FXYD5: variants seen among roughly 807,000 people sequenced by gnomAD.
FXYD5 encodes FXYD domain-containing ion transport regulator 5.
A neutral mutation model predicts 25.7 loss-of-function variants in FXYD5; 21 were observed. The observed-to-expected ratio is 0.82, with a 90% CI of 0.58 to 1.18. FXYD5 has a LOEUF of 1.18. FXYD5 is among the 50% of genes most tolerant of loss of function. The probability of loss-of-function intolerance (pLI) is 0.00; values close to 1 mark genes in which losing one functional copy is unlikely to be tolerated. For missense variants in FXYD5, 229 were observed against 227.7 expected, an observed-to-expected ratio of 1.01 and a Z score of -0.04; for synonymous variants, 101 against 90.7, an observed-to-expected ratio of 1.11 and a Z score of -0.64.
chr19:35,157,746 G>A (rs1256562506), intron 3 of FXYD5: 1 of 379,082 alleles, frequency 2.6e-6, no homozygotes, highest in Non-Finnish European at 4.9e-6. Context: ...ATGGGGCCAA[G>A]ATGATCCCTT....
At chr19:35,159,873 A>G in intron 4 of FXYD5, 1 of 509,402 alleles carries the variant, frequency 2.0e-6, no homozygotes, top group Non-Finnish European at 3.4e-6. Flanking sequence ...ATCCAAGACA[A>G]TACAGGGCAA....
At chr19:35,160,585 A>G in intron 4 of FXYD5, 124 bp from the exon 5 acceptor site, 1 of 687,426 alleles carries the variant, frequency 1.5e-6, no homozygotes, top group Admixed American at 2.0e-5. Flanking sequence ...ACCTAAGGTA[A>G]TCTGCCCGCC....
chr19:35,169,618 C>G lies in FXYD5; in HGVS notation c.*3C>G, dbSNP rs371459976. Reference sequence around the variant, plus strand: ...TATGCCGGAATCGTTGCAGGTGAGTCCATCAGAAACAGGAGCTGACAACCT... The same window carrying G: ...TATGCCGGAATCGTTGCAGGTGAGTGCATCAGAAACAGGAGCTGACAACCT... On this transcript the variant is annotated 3_prime_UTR_variant, in exon 9 of 9. Transcript: ENST00000392219. 1.9e-6 allele frequency: 3 copies of G among 1,602,516 alleles called. No homozygotes were observed. The African/African-American group carries it at 4.0e-5, about 21-fold the overall frequency.
chr19:35,168,663 A>C (rs953650174), intron 8 of FXYD5, among the ~76,000 whole-genome samples: 2 of 152,050 alleles, frequency 1.3e-5, no homozygotes, highest in Admixed American at 1.3e-4. Flanking sequence ...AGTCTCTGGA[A>C]CCCATCTGTG....
At chr19:35,159,743 T>A in intron 4 of FXYD5, 2 of 1,351,916 alleles carry the variant, frequency 1.5e-6, no homozygotes, top group Non-Finnish European at 2.0e-6. Flanking sequence ...AAATTACCAT[T>A]GTCCCCATTT....
chr19:35,165,112 A>T (rs1374951211), intron 6 of FXYD5, among the ~76,000 whole-genome samples: 1 of 152,194 alleles, frequency 6.6e-6, no homozygotes, highest in Admixed American at 6.5e-5. Flanking sequence ...TGTTACTGGA[A>T]AGGGGTTCCG....
chr19:35,155,669 C>T (rs879241436), intron 2 of FXYD5, 58 bp downstream of exon 2: 22 of 1,272,308 alleles, frequency 1.7e-5, no homozygotes, highest in African/African-American at 2.9e-5. Flanking sequence ...GCCAGCCCCA[C>T]GTGTGCTGCG....
intron 6 of FXYD5, among the ~76,000 whole-genome samples, 197 bp downstream of exon 6, chr19:35,164,442 A>C (rs73044017): frequency 8.4e-4 from 128 of 152,328 alleles, no homozygotes; most frequent in African/African-American, 3.0e-3. Context: ...ATTGCTGCAT[A>C]CAAACCACCT....
In FXYD5 at chr19:35,163,959, A is replaced by G; in HGVS notation, c.293-197A>G. 3 of 1,459,926 alleles carry G rather than the reference A, an allele frequency of 2.1e-6. No homozygotes were observed. The South Asian group carries it at 4.3e-5, about 21-fold the overall frequency. The allele number at this position is 1,459,926 out of a possible 1,614,324, so 90.4% of individuals were successfully genotyped here. A position where few individuals can be genotyped will look rare whatever the true frequency, so the allele number is the denominator to read the frequency against. Reference sequence around the variant, plus strand: ...AGATCAGATAGTCGCAACCGGGGCTATGTGCTTATTTCAGCATTTCAATGC... The same window carrying G: ...AGATCAGATAGTCGCAACCGGGGCTGTGTGCTTATTTCAGCATTTCAATGC... On this transcript the variant is annotated intron_variant, in intron 5 of 8. Transcript: ENST00000392219.
At chr19:35,161,249 A>ACACACACACACACACAC (rs58296906) in intron 5 of FXYD5, among the ~76,000 whole-genome samples, 2,597 of 120,388 alleles carry the variant, frequency 0.022, 93 homozygotes, top group South Asian at 0.077. Context: ...CACACACACA[A>ACACACACACACACACAC]AAGAATGATT....
chr19:35,160,805 T>C lies in FXYD5; in HGVS notation c.292+4T>C. 1 of 1,587,290 alleles carries C rather than the reference T, an allele frequency of 6.3e-7. No individual in the cohort carries two copies. On this transcript the variant is annotated splice_donor_region_variant and intron_variant, in intron 5 of 8. Transcript: ENST00000392219. ...ACACACAAGAGCACCAAAGCAGGTA[T>C]AGCATGGGACTGAGAGCAGCAGCCT... is the stretch of plus-strand genomic sequence containing the variant.
At chr19:35,168,143 T>C (rs1409000883) in intron 8 of FXYD5, among the ~76,000 whole-genome samples, 1 of 151,892 alleles carries the variant, frequency 6.6e-6, no homozygotes, top group African/African-American at 2.4e-5. Flanking sequence ...GAACGTTAGC[T>C]CTGGGGCCAT....
At chr19:35,155,983 G>A (rs1293015287) in intron 2 of FXYD5, among the ~76,000 whole-genome samples, 1 of 152,222 alleles carries the variant, frequency 6.6e-6, no homozygotes, top group Non-Finnish European at 1.5e-5. Flanking sequence ...CAAAGCTGTT[G>A]AGCTGGGGTT....
At chr19:35,161,804 A>G (rs965085306) in intron 5 of FXYD5, among the ~76,000 whole-genome samples, 6 of 152,238 alleles carry the variant, frequency 3.9e-5, no homozygotes, top group Non-Finnish European at 8.8e-5. Context: ...AAAGTGTTGT[A>G]GAGTAGGCCA....
rs1672994 is a variant in FXYD5, at chr19:35,164,248, T to G, written c.382+3T>G. 3 of 1,609,542 alleles carry G rather than the reference T, an allele frequency of 1.9e-6. No individual in the cohort carries two copies. The highest frequency in any genetic ancestry group is 2.5e-6 in the Non-Finnish European group (3 of 1,177,890). ...CCCCCAGACCCTCAAGCCATCTGGT[T>G]AGTAACTGCCTCCCCAGACTGGAAA... is the stretch of plus-strand genomic sequence containing the variant. On this transcript the variant is annotated splice_donor_region_variant and intron_variant, in intron 6 of 8. Transcript: ENST00000392219.
intron 8 of FXYD5, 79 bp from the exon 9 acceptor site, chr19:35,169,487 C>A: frequency 9.3e-7 from 1 of 1,078,352 alleles, no homozygotes; most frequent in Non-Finnish European, 1.4e-6. Context: ...GTTGATCAAT[C>A]TGGTTCCCCA....
Position 35,166,208 on chromosome 19 carries a change from G to C in FXYD5, c.412+37G>C, listed in dbSNP as rs368642238. 85 of 1,611,970 alleles carry C rather than the reference G, an allele frequency of 5.3e-5. No individual in the cohort carries two copies. The African/African-American group carries it at 1.0e-3, about 20-fold the overall frequency. On this transcript the variant is annotated intron_variant, in intron 7 of 8. Coordinates refer to ENST00000392219, the MANE Select transcript of FXYD5 (RefSeq NM_014164.6). Reference sequence around the variant, plus strand: ...ACAGGAAGATGTGGGGGAAGGAAAGGTGAGGTCCGTCTGACTCTACCCCTT... The same window carrying C: ...ACAGGAAGATGTGGGGGAAGGAAAGCTGAGGTCCGTCTGACTCTACCCCTT...
At position 35,160,802 on chromosome 19, in the gene FXYD5, G is replaced by C; in HGVS notation, c.292+1G>C. On this transcript the variant is annotated splice_donor_variant, in intron 5 of 8. Coordinates refer to ENST00000392219, the MANE Select transcript of FXYD5 (RefSeq NM_014164.6). LOFTEE classifies it high-confidence loss of function. ...GAGACACACAAGAGCACCAAAGCAG[G>C]TATAGCATGGGACTGAGAGCAGCAG... 6.3e-7 allele frequency: 1 copy of C among 1,591,774 alleles called. No individual in the cohort carries two copies. The highest frequency in any genetic ancestry group is 8.6e-7 in the Non-Finnish European group (1 of 1,159,598).
chr19:35,159,640 A>T, intron 4 of FXYD5: 1 of 1,549,674 alleles, frequency 6.5e-7, no homozygotes, highest in Non-Finnish European at 8.7e-7. Flanking sequence ...GAGCAAACGC[A>T]CTTGGAATAT....
Sources: gnomAD v4.1 joint callset for allele counts (sites outside exome capture counted in the v4.1 genomes callset) on GRCh38, gnomAD v4.1.1 for gene constraint, MANE v1.5 for transcripts, NCBI Gene and HGNC (gene_info 2026-07-23, HGNC 2026-07-21) for gene names.